The following RBFOX3 variants were observed in gnomAD, a reference collection of about 807,000 sequenced individuals.
The protein encoded by RBFOX3 is RNA binding protein fox-1 homolog 3.
RBFOX3 carries 17 observed loss-of-function variants against 48.7 expected under a neutral mutation model. The ratio of observed to expected loss-of-function variants is 0.35; its 90% CI spans 0.24 to 0.52. The LOEUF (loss-of-function observed/expected upper bound fraction) is 0.52. Among genes scored for constraint, RBFOX3 ranks in the 20% least tolerant of loss-of-function variants. The pLI is 0.94. For missense variants in RBFOX3, 382 were observed against 497.5 expected (o/e 0.77, Z 2.21); for synonymous variants, 212 against 209.5 (o/e 1.01, Z -0.10).
chr17:79,115,381 C>A (rs2033622716), intron 5 of RBFOX3, 113 bp downstream of exon 5: 3 of 608,054 alleles, frequency 4.9e-6, no homozygotes, highest in South Asian at 1.5e-4. Context: ...GAGGCCCTGC[C>A]CAGGCCCCTC....
chr17:79,313,755 G>A (rs1374236955), intron 2 of RBFOX3, among the ~76,000 whole-genome samples: 3 of 152,190 alleles, frequency 2.0e-5, no homozygotes, highest in Non-Finnish European at 2.9e-5. Flanking sequence ...CAAGGCTCCT[G>A]GGGCAGCAGC....
In RBFOX3 at chr17:79,310,527, C is replaced by T. The variant is rs1234939398; in HGVS notation, c.-174-2703G>A. Among the ~76,000 whole-genome samples, 5 of 152,294 alleles carry T rather than the reference C, an allele frequency of 3.3e-5. No homozygotes were observed. In the East Asian group the frequency reaches 9.7e-4, roughly 29 times the overall value. ...CCTCTCTTTTCTCTCCTACCTGCTC[C>T]CCAGCCCCGTCCTGCTTCTAGGACA... On this transcript the variant is annotated intron_variant, in intron 2 of 14. Transcript: ENST00000693108.
At chr17:79,451,938 T>C (rs1877681) in intron 2 of RBFOX3, among the ~76,000 whole-genome samples, 39,251 of 152,146 alleles carry the variant, frequency 0.26, 5,284 homozygotes, top group Admixed American at 0.36. Context: ...CACCCAGTAC[T>C]GGCACCCTCA....
chr17:79,655,175 C>A, the RBFOX3 span, among the ~76,000 whole-genome samples: 2 of 152,188 alleles, frequency 1.3e-5, no homozygotes, highest in Admixed American at 1.3e-4. Context: ...GTCCCTGGGG[C>A]CACAGGAAAA....
At chr17:79,158,113 G>A (rs577433444) in intron 4 of RBFOX3, among the ~76,000 whole-genome samples, 2 of 147,318 alleles carry the variant, frequency 1.4e-5, no homozygotes, top group South Asian at 2.2e-4. Context: ...AGGCGATTAG[G>A]ACATAGACAC....
intron 4 of RBFOX3, among the ~76,000 whole-genome samples, chr17:79,117,534 C>A (rs2034416114): frequency 6.6e-6 from 1 of 152,238 alleles, no homozygotes; most frequent in Non-Finnish European, 1.5e-5. Flanking sequence ...CGCTTCCCTC[C>A]ACACCCACAC....
At chr17:79,341,315 A>G (rs143560863) in intron 2 of RBFOX3, among the ~76,000 whole-genome samples, 2 of 152,360 alleles carry the variant, frequency 1.3e-5, no homozygotes, top group East Asian at 3.9e-4. Flanking sequence ...GTGTGTATGC[A>G]TGCACAGAAA....
At chr17:79,438,393 T>A (rs2070062475) in intron 2 of RBFOX3, among the ~76,000 whole-genome samples, 1 of 152,238 alleles carries the variant, frequency 6.6e-6, no homozygotes, top group African/African-American at 2.4e-5. Context: ...GGAGGATCTG[T>A]AAGCTACTCT....
At chr17:79,549,645 G>A (rs1431831282) in intron 1 of RBFOX3, among the ~76,000 whole-genome samples, 1 of 152,226 alleles carries the variant, frequency 6.6e-6, no homozygotes, top group African/African-American at 2.4e-5. Flanking sequence ...GCAGGCCTGA[G>A]GCCTTCCTGT....
chr17:79,170,745 TG>T (rs2049111629), intron 4 of RBFOX3, among the ~76,000 whole-genome samples: 1 of 152,130 alleles, frequency 6.6e-6, no homozygotes, highest in South Asian at 2.1e-4. Flanking sequence ...TTTCCTTACT[TG>T]TAAATCTGAT....
Position 79,481,393 on chromosome 17 carries a change from T to G in RBFOX3, c.-175+1061A>C, listed in dbSNP as rs948502927. On this transcript the variant is annotated intron_variant, in intron 2 of 14. Coordinates refer to ENST00000693108, the MANE Select transcript of RBFOX3 (RefSeq NM_001350451.2). The surrounding 1 kb of genome is among the most constrained non-coding windows in gnomAD (Gnocchi z 5.4). ...TTTAAGAAAGAATTCACCTGGTGTC[T>G]GTCCCTGGTTCCTGGGAGGTGATCT... Among the ~76,000 whole-genome samples, 16 of 152,174 alleles carry G rather than the reference T, an allele frequency of 1.1e-4. No individual in the cohort carries two copies. The highest frequency in any genetic ancestry group is 2.1e-4 in the Non-Finnish European group (14 of 68,028).
chr17:79,410,767 C>T (rs534723900), intron 2 of RBFOX3, among the ~76,000 whole-genome samples: 1 of 152,310 alleles, frequency 6.6e-6, no homozygotes, highest in East Asian at 1.9e-4. Context: ...GCGGTGCCTC[C>T]TGCCTCCTGC....
At chr17:79,276,865 G>A (rs72848017) in intron 3 of RBFOX3, among the ~76,000 whole-genome samples, 3,032 of 152,272 alleles carry the variant, frequency 0.02, 29 homozygotes, top group Non-Finnish European at 0.028. Context: ...TTGTACAGAA[G>A]GGGAATCTGA....
At chr17:79,328,192 G>A (rs896319504) in intron 2 of RBFOX3, among the ~76,000 whole-genome samples, 16 of 152,214 alleles carry the variant, frequency 1.1e-4, no homozygotes, top group African/African-American at 2.9e-4. Context: ...TGTCTGGAAC[G>A]GAGATGGGAT....
In RBFOX3 at chr17:79,591,610, C is replaced by T. The variant is rs996144451; in HGVS notation, c.-320+19216G>A. Among the ~76,000 whole-genome samples, 13 of 152,318 alleles carry T rather than the reference C, an allele frequency of 8.5e-5. No homozygotes were observed. The South Asian group carries it at 1.9e-3, about 22-fold the overall frequency. ...TTCCTTCCTCTTGGGCCTCCTGTCCCCTCTGGAATTCAGCCCCAAACAGTA... is the reference window on the plus strand; with the variant it reads ...TTCCTTCCTCTTGGGCCTCCTGTCCTCTCTGGAATTCAGCCCCAAACAGTA... On this transcript the variant is annotated intron_variant, in intron 1 of 14. Transcript: ENST00000693108.
chr17:79,383,588 G>A (rs919719207), intron 2 of RBFOX3, among the ~76,000 whole-genome samples: 6 of 152,180 alleles, frequency 3.9e-5, no homozygotes, highest in Non-Finnish European at 7.3e-5. Context: ...CTGCCCCAAC[G>A]TGTGGAAAGT....
intron 2 of RBFOX3, among the ~76,000 whole-genome samples, chr17:79,475,468 C>A (rs2077597103): frequency 6.6e-6 from 1 of 152,170 alleles, no homozygotes; most frequent in South Asian, 2.1e-4. Flanking sequence ...TCCTCCCTGG[C>A]AGCCTTGGAG....
chr17:79,337,547 G>A (rs751941078), intron 2 of RBFOX3, among the ~76,000 whole-genome samples: 8 of 152,210 alleles, frequency 5.3e-5, no homozygotes, highest in Non-Finnish European at 1.0e-4. Context: ...AGGCCGAGGC[G>A]AGCAGATCAC....
chr17:79,164,336 C>T (rs757159240), intron 4 of RBFOX3, among the ~76,000 whole-genome samples: 1 of 152,186 alleles, frequency 6.6e-6, no homozygotes, highest in Non-Finnish European at 1.5e-5. Context: ...TGGGCAGCAC[C>T]GTGCTGAGCT....
Sources: gnomAD v4.1 joint callset for allele counts (sites outside exome capture counted in the v4.1 genomes callset) on GRCh38, gnomAD v4.1.1 for gene constraint, Gnocchi (gnomAD v3.1) non-coding constraint, MANE v1.5 for transcripts, NCBI Gene and HGNC (gene_info 2026-07-23, HGNC 2026-07-21) for gene names.